PCDHA9: variants seen among roughly 807,000 people sequenced by gnomAD.
The protein encoded by PCDHA9 is protocadherin alpha 9.
A neutral mutation model predicts 62.0 loss-of-function variants in PCDHA9; 62 were observed. That is an observed-to-expected ratio of 1.00 (90% CI 0.81 to 1.23). The LOEUF (loss-of-function observed/expected upper bound fraction) is 1.23, where lower values mean the gene tolerates loss of function less well. Among genes scored for constraint, PCDHA9 ranks in the 50% most tolerant of loss-of-function variants. The probability of loss-of-function intolerance (pLI) is 0.00; values close to 1 mark genes in which losing one functional copy is unlikely to be tolerated. For missense variants in PCDHA9, 1,205 were observed against 1,249.8 expected, an observed-to-expected ratio of 0.96 and a Z score of 0.54; for synonymous variants, 557 against 567.6, an observed-to-expected ratio of 0.98 and a Z score of 0.27.
rs1215327894 is a variant in PCDHA9 at position 140,868,871 on chromosome 5, A to T, written c.2394+17982A>T. On this transcript the variant is annotated intron_variant, in intron 1 of 3. Transcript: ENST00000532602. ...TTCTGTGGTGGTAAATGCAGTGCAC[A>T]GTACTCACAGTTTTAGGCGCAAGGT... 4.8e-6 allele frequency: 3 copies of T among 625,152 alleles called. No homozygotes were observed. In the Admixed American group the frequency reaches 9.8e-5, roughly 20 times the overall value. 38.7% of individuals were successfully genotyped at this position (625,152 alleles called of 1,614,324 possible).
chr5:140,863,416 C>A, intron 1 of PCDHA9: 6 of 719,752 alleles, frequency 8.3e-6, no homozygotes, highest in African/African-American at 1.8e-5. Flanking sequence ...GCTGGTGTAC[C>A]GCAGCGTAGT....
chr5:140,882,369 C>G (rs1554173809), intron 1 of PCDHA9: 4 of 1,614,104 alleles, frequency 2.5e-6, no homozygotes, highest in African/African-American at 1.3e-5. Flanking sequence ...CTCCACTACT[C>G]CGTCCCCGAG....
At chr5:140,908,661 G>C (rs530751435) in intron 1 of PCDHA9, among the ~76,000 whole-genome samples, 9 of 152,306 alleles carry the variant, frequency 5.9e-5, no homozygotes, top group African/African-American at 2.2e-4. Flanking sequence ...GCCTGCCAAA[G>C]GCTCCAAATA....
At chr5:140,987,963 T>C (rs2097275753) in intron 3 of PCDHA9, among the ~76,000 whole-genome samples, 1 of 152,190 alleles carries the variant, frequency 6.6e-6, no homozygotes, top group Non-Finnish European at 1.5e-5. Context: ...CAACTCCCCA[T>C]GGAAAGACTC....
rs1333362831 is a variant in PCDHA9 at position 140,976,454 on chromosome 5, GGAA to G, written c.2395-2488_2395-2486del. Among the ~76,000 whole-genome samples, 4 of 152,214 alleles carry G rather than the reference GGAA, an allele frequency of 2.6e-5. No individual in the cohort carries two copies. The East Asian group carries it at 7.7e-4, about 29-fold the overall frequency. On this transcript the variant is annotated intron_variant, in intron 1 of 3. Transcript: ENST00000532602. Reference sequence around the variant, plus strand: ...TAATCCCAGCTACTAGGGAGGCTGGGGAAGAAGAATTGCTTGAATCCGGGAGGC... The same window carrying G: ...TAATCCCAGCTACTAGGGAGGCTGGGGAAGAATTGCTTGAATCCGGGAGGC...
rs1291413682 is a variant in PCDHA9, at chr5:140,856,005, C to G, written c.2394+5116C>G. ...GAAAATGTCAGATCGTATGTGCGTT[C>G]TAGACCGCTGATTCGTCGATTTGTA... is the stretch of plus-strand genomic sequence containing the variant. On this transcript the variant is annotated intron_variant, in intron 1 of 3. Coordinates refer to ENST00000532602, the MANE Select transcript of PCDHA9 (RefSeq NM_031857.2). 6.5e-6 allele frequency: 10 copies of G among 1,538,764 alleles called. 3 individuals carry two copies. In the African/African-American group the frequency reaches 1.4e-4, roughly 21 times the overall value.
chr5:140,857,883 C>T (rs782327077), intron 1 of PCDHA9: 1 of 1,597,548 alleles, frequency 6.3e-7, no homozygotes, highest in Admixed American at 1.7e-5. Context: ...GAATTGCAGT[C>T]GGCGGCGGTT....
intron 3 of PCDHA9, among the ~76,000 whole-genome samples, chr5:141,007,067 G>A (rs1352139121): frequency 1.3e-5 from 2 of 152,164 alleles, no homozygotes; most frequent in African/African-American, 4.8e-5. Flanking sequence ...AAAGGAGAGA[G>A]TGAAGAGAAA....
rs1363080082 is a variant in PCDHA9, at chr5:140,848,935, C to G, written c.440C>G (p.Pro147Arg). 6.2e-7 allele frequency: 1 copy of G among 1,607,474 alleles called. No individual in the cohort carries two copies. Among genetic ancestry groups the G allele is most frequent in the Non-Finnish European group, 8.5e-7 (1 of 1,176,870 alleles). ...AATCTGTTCATCGCGGAATCCAGGC[C>G]GCTTGACTCTCGGTTTCCACTAGAG... ...QKNLFIAESR[P>R]LDSRFPLEGA... is the part of the protein sequence containing the mutation. Residue 147 changes from proline to arginine, a missense_variant, in exon 1 of 4, where the codon CCG (proline) becomes CGG (arginine). Physicochemically the swap from Pro to Arg is moderately radical, Grantham distance 103. Coordinates refer to ENST00000532602, the MANE Select transcript of PCDHA9 (RefSeq NM_031857.2).
chr5:140,856,012 G>A lies in PCDHA9; in HGVS notation c.2394+5123G>A, dbSNP rs1158329125. 3 of 1,546,896 alleles carry A rather than the reference G, an allele frequency of 1.9e-6. No homozygotes were observed. The East Asian group carries it at 6.8e-5, about 35-fold the overall frequency. ...TCAGATCGTATGTGCGTTCTAGACC[G>A]CTGATTCGTCGATTTGTAAAACAAG... is the stretch of plus-strand genomic sequence containing the variant. On this transcript the variant is annotated intron_variant, in intron 1 of 3. Coordinates refer to ENST00000532602, the MANE Select transcript of PCDHA9 (RefSeq NM_031857.2).
intron 1 of PCDHA9, among the ~76,000 whole-genome samples, chr5:140,918,366 T>G (rs1203283831): frequency 2.0e-5 from 3 of 152,180 alleles, no homozygotes; most frequent in African/African-American, 7.2e-5. Flanking sequence ...CTCTGCCTAT[T>G]TGGATGCCTT....
chr5:140,994,528 C>T (rs1331400819), intron 3 of PCDHA9, among the ~76,000 whole-genome samples: 1 of 137,784 alleles, frequency 7.3e-6, no homozygotes, highest in Non-Finnish European at 1.5e-5. Flanking sequence ...CATGGCAAAA[C>T]CCCATCTCTA....
At chr5:140,969,473 A>C (rs562575347) in intron 1 of PCDHA9, 2 of 1,478,208 alleles carry the variant, frequency 1.4e-6, no homozygotes, top group South Asian at 2.8e-5. Context: ...CCACAATTTG[A>C]TCATAATCTG....
At chr5:141,003,441 A>G (rs184470683) in intron 3 of PCDHA9, among the ~76,000 whole-genome samples, 25 of 152,240 alleles carry the variant, frequency 1.6e-4, no homozygotes, top group Non-Finnish European at 1.5e-5. Flanking sequence ...CCTCCCAAGT[A>G]GATGAAATTA....
intron 1 of PCDHA9, among the ~76,000 whole-genome samples, chr5:140,975,809 TA>T (rs146252033): frequency 0.06 from 9,090 of 152,310 alleles, 381 homozygotes; most frequent in East Asian, 0.11. Context: ...TTTATAATTT[TA>T]ATAGGAACTG....
At chr5:140,898,133 G>T (rs2153459320) in intron 1 of PCDHA9, among the ~76,000 whole-genome samples, 1 of 152,202 alleles carries the variant, frequency 6.6e-6, no homozygotes, top group African/African-American at 2.4e-5. Flanking sequence ...CTCCCATTTT[G>T]TAGGTTGCCT....
At chr5:140,877,357 G>A in intron 1 of PCDHA9, 2 of 1,614,020 alleles carry the variant, frequency 1.2e-6, no homozygotes, top group African/African-American at 2.7e-5. Flanking sequence ...GCTGTACACT[G>A]GCGAGATCAG....
chr5:140,900,095 C>G (rs1299633318), intron 1 of PCDHA9, among the ~76,000 whole-genome samples: 1 of 152,160 alleles, frequency 6.6e-6, no homozygotes, highest in Non-Finnish European at 1.5e-5. Flanking sequence ...CAAGCATGCG[C>G]CACCATACCT....
chr5:140,851,916 G>A, intron 1 of PCDHA9: 1 of 968,262 alleles, frequency 1.0e-6, no homozygotes, highest in Non-Finnish European at 1.2e-6. Flanking sequence ...GTCACTACAT[G>A]TTATGTTTCC....
Sources: gnomAD v4.1 joint callset for allele counts (sites outside exome capture counted in the v4.1 genomes callset) on GRCh38, gnomAD v4.1.1 for gene constraint, MANE v1.5 for transcripts, NCBI Gene and HGNC (gene_info 2026-07-23, HGNC 2026-07-21) for gene names.